KIF15: variants seen among roughly 807,000 people sequenced by gnomAD.
The protein encoded by KIF15 is kinesin family member 15, also known as kinesin-like protein KIF15.
Under a neutral mutation model 190.6 loss-of-function variants are expected in KIF15, and 140 were observed. That is an observed-to-expected ratio of 0.73 (90% CI 0.64 to 0.84). KIF15 has a LOEUF of 0.84. Among genes scored for constraint, KIF15 ranks in the 40% least tolerant of loss-of-function variants. The pLI, the probability that KIF15 is intolerant of heterozygous loss-of-function variation, is 0.00. For synonymous variants in KIF15, 528 were observed against 551.3 expected (o/e 0.96, Z 0.59); for missense variants, 1,372 against 1,584.4 (o/e 0.87, Z 2.28).
intron 20 of KIF15, among the ~76,000 whole-genome samples, chr3:44,825,526 A>G (rs1180184081): frequency 1.3e-5 from 2 of 152,182 alleles, no homozygotes; most frequent in African/African-American, 4.8e-5. Context: ...AAATAAGAGG[A>G]TGAAAACCAA....
rs1697732457 is a variant in KIF15, at chr3:44,827,499, CAGAA to C, written c.2831_2834del (p.Lys944ArgfsTer15). The C allele has an allele frequency of 3.7e-6, 6 of 1,612,148 alleles. No individual in the cohort carries two copies. The highest frequency in any genetic ancestry group is 1.1e-5 in the South Asian group (1 of 91,004). ...TCTTGAGGCTGTACGTCAGGAGAAA[CAGAA>C]AGAGACGGCCAAGTGTGAGCAGCAG... On this transcript the variant is annotated frameshift_variant, in exon 23 of 35. Coordinates refer to ENST00000326047, the MANE Select transcript of KIF15 (RefSeq NM_020242.3). LOFTEE classifies it high-confidence loss of function.
intron 30 of KIF15, among the ~76,000 whole-genome samples, chr3:44,847,622 T>C (rs535971213): frequency 6.6e-6 from 1 of 152,342 alleles, no homozygotes; most frequent in African/African-American, 2.4e-5. Flanking sequence ...ATCACATTCA[T>C]ACCAGGCTCT....
At position 44,852,655 on chromosome 3, in the gene KIF15, T is replaced by G. The variant is rs1699104447; in HGVS notation, c.4105-18T>G. ...AGAGCCTTATTTTTTTTCTTTTTGT[T>G]TTTTTAAAATTACTTAGGAGACAGA... On this transcript the variant is annotated intron_variant, in intron 34 of 34. Transcript: ENST00000326047. The G allele has an allele frequency of 6.4e-7, 1 of 1,554,962 alleles. No homozygotes were observed. The highest frequency in any genetic ancestry group is 8.7e-7 in the Non-Finnish European group (1 of 1,153,164).
chr3:44,833,707 CTG>C (rs1255112564), intron 26 of KIF15, among the ~76,000 whole-genome samples: 3 of 152,134 alleles, frequency 2.0e-5, no homozygotes, highest in Non-Finnish European at 2.9e-5. Flanking sequence ...TGATAGCAGT[CTG>C]TGGCCTAGGG....
At position 44,852,843 on chromosome 3, in the gene KIF15, A is replaced by C; in HGVS notation, c.*108A>C. On this transcript the variant is annotated 3_prime_UTR_variant, in exon 35 of 35. Coordinates refer to ENST00000326047, the MANE Select transcript of KIF15 (RefSeq NM_020242.3). ...AGGAGAGCTGAATTTATGGACCTTA[A>C]TTATTAAATGTTTATAAGGTGGTGG... 2.4e-6 allele frequency: 2 copies of C among 818,364 alleles called. No individual in the cohort carries two copies. Among genetic ancestry groups the C allele is most frequent in the Non-Finnish European group, 3.8e-6 (2 of 522,828 alleles). The allele number at this position is 818,364 out of a possible 1,614,324, so 50.7% of individuals were successfully genotyped here. A position where few individuals can be genotyped will look rare whatever the true frequency, so the allele number is the denominator to read the frequency against.
At chr3:44,813,006 T>C (rs927648247) in intron 18 of KIF15, 69 bp from the exon 19 acceptor site, 6 of 921,162 alleles carry the variant, frequency 6.5e-6, no homozygotes, top group Non-Finnish European at 9.9e-6. Flanking sequence ...AAGAAACAGG[T>C]TAATGATTTG....
intron 20 of KIF15, among the ~76,000 whole-genome samples, chr3:44,816,294 C>T (rs1708027962): frequency 6.6e-6 from 1 of 152,020 alleles, no homozygotes; most frequent in Admixed American, 6.5e-5. Context: ...GCACAACGTG[C>T]AGGTTTGTTA....
chr3:44,818,591 G>T (rs1414618770), intron 20 of KIF15, among the ~76,000 whole-genome samples: 1 of 152,182 alleles, frequency 6.6e-6, no homozygotes, highest in African/African-American at 2.4e-5. Flanking sequence ...CATAGATACA[G>T]CCGACTTTAT....
intron 29 of KIF15, among the ~76,000 whole-genome samples, chr3:44,841,931 T>C (rs949114537): frequency 1.3e-5 from 2 of 152,210 alleles, no homozygotes; most frequent in African/African-American, 4.8e-5. Flanking sequence ...TTTTACACAA[T>C]GGTGTCATAT....
At chr3:44,840,505 AT>A in intron 28 of KIF15, 49 bp downstream of exon 28, 2 of 1,368,270 alleles carry the variant, frequency 1.5e-6, no homozygotes, top group Non-Finnish European at 2.0e-6. Context: ...AGTTTTGTAA[AT>A]GATAAAAATT....
At chr3:44,821,355 T>C (rs1466284803) in intron 20 of KIF15, among the ~76,000 whole-genome samples, 1 of 151,058 alleles carries the variant, frequency 6.6e-6, no homozygotes, top group East Asian at 2.0e-4. Flanking sequence ...GTGACGCTCC[T>C]CACTTCTCAG....
chr3:44,764,919 G>A (rs904107162), intron 1 of KIF15, among the ~76,000 whole-genome samples: 7 of 152,194 alleles, frequency 4.6e-5, no homozygotes, highest in African/African-American at 1.7e-4. Context: ...TCACAGGTGT[G>A]AGCCACTGCA....
chr3:44,840,309 C>T lies in KIF15; in HGVS notation c.3319-46C>T, dbSNP rs774252963. On this transcript the variant is annotated intron_variant, in intron 27 of 34. Transcript: ENST00000326047. Reference sequence around the variant, plus strand: ...TTGTCTTTTCTATTTGGACCATGTACCCCATATTACTAAGTTGTAACCTTG... The same window carrying T: ...TTGTCTTTTCTATTTGGACCATGTATCCCATATTACTAAGTTGTAACCTTG... 8 of 1,098,100 alleles carry T rather than the reference C, an allele frequency of 7.3e-6. No homozygotes were observed. In the Admixed American group the frequency reaches 1.4e-4, roughly 19 times the overall value. 68.0% of individuals were successfully genotyped at this position (1,098,100 alleles called of 1,614,324 possible).
At chr3:44,797,481 T>C (rs1423851294) in intron 8 of KIF15, 70 bp from the exon 9 acceptor site, 1 of 1,526,088 alleles carries the variant, frequency 6.6e-7, no homozygotes, top group Non-Finnish European at 9.0e-7. Context: ...CTGCTAGATA[T>C]ATTTTCATTC....
At chr3:44,856,602 C>A (rs902282673), downstream of KIF15, among the ~76,000 whole-genome samples, 1 of 152,050 alleles carries the variant, frequency 6.6e-6, no homozygotes, top group African/African-American at 2.4e-5. Flanking sequence ...ACTGATGAGA[C>A]GGAGAAAAAC....
In KIF15 at chr3:44,813,767, T is replaced by C. The variant is rs1575630614; in HGVS notation, c.2383+587T>C. ...GTCTCCTCCCAAGTAGCTGGGATTA[T>C]AGGCGTGCACCACCAAGCCCGGCTA... On this transcript the variant is annotated intron_variant, in intron 19 of 34. Coordinates refer to ENST00000326047, the MANE Select transcript of KIF15 (RefSeq NM_020242.3). Among the ~76,000 whole-genome samples, 9 of 152,142 alleles carry C rather than the reference T, an allele frequency of 5.9e-5. 2 individuals are homozygous for C. The highest frequency in any genetic ancestry group is 5.9e-4 in the Admixed American group (9 of 15,266).
intron 7 of KIF15, among the ~76,000 whole-genome samples, chr3:44,788,788 C>A (rs1200129483): frequency 6.6e-6 from 1 of 152,126 alleles, no homozygotes; most frequent in Non-Finnish European, 1.5e-5. Context: ...TACTTGTTTT[C>A]TGAAAGTATT....
Position 44,802,973 on chromosome 3 carries a change from A to G in KIF15, c.1669A>G (p.Met557Val), listed in dbSNP as rs1392826707. The change falls in exon 14 of 35, where the codon ATG becomes GTG. Residue 557 changes from methionine to valine, a missense_variant. By Grantham distance (21) the Met-to-Val change is conservative. Coordinates refer to ENST00000326047, the MANE Select transcript of KIF15 (RefSeq NM_020242.3). ...LEKAFSEISG[M>V]EKSDKNQQGF... The stretch of plus-strand genomic sequence containing the variant: ...AAAAGCTTTCTCTGAAATAAGTGGC[A>G]TGGAGAAAAGTGACAAAAGTAAGAA... 1.4e-5 allele frequency: 23 copies of G among 1,597,568 alleles called. No homozygotes were observed. Among genetic ancestry groups the G allele is most frequent in the South Asian group, 2.3e-5 (2 of 87,804 alleles).
chr3:44,795,477 T>G (rs1226732807), intron 8 of KIF15, among the ~76,000 whole-genome samples: 1 of 152,104 alleles, frequency 6.6e-6, no homozygotes, highest in Non-Finnish European at 1.5e-5. Context: ...AGCAACTAAG[T>G]GATTCATGAA....
Sources: gnomAD v4.1 joint callset for allele counts (sites outside exome capture counted in the v4.1 genomes callset) on GRCh38, gnomAD v4.1.1 for gene constraint, MANE v1.5 for transcripts, NCBI Gene and HGNC (gene_info 2026-07-23, HGNC 2026-07-21) for gene names.